The following POLR2B variants were observed in gnomAD, a reference collection of about 807,000 sequenced individuals.
POLR2B encodes DNA-directed RNA polymerase II subunit RPB2.
A neutral mutation model predicts 144.6 loss-of-function variants in POLR2B; 57 were observed. That is an observed-to-expected ratio of 0.39 (90% confidence interval 0.32 to 0.49). The LOEUF (loss-of-function observed/expected upper bound fraction) is 0.49, where lower values mean the gene tolerates loss of function less well. POLR2B is among the 20% of genes least tolerant of loss of function. The pLI is 0.83. For synonymous variants in POLR2B, 442 were observed against 469.8 expected, an observed-to-expected ratio of 0.94 and a Z score of 0.77; for missense variants, 595 against 1,467.4, an observed-to-expected ratio of 0.41 and a Z score of 9.71.
chr4:57,017,472 A>G lies in POLR2B; in HGVS notation c.2155-88A>G. The G allele has an allele frequency of 8.8e-7, 1 of 1,133,652 alleles. No individual in the cohort carries two copies. Among genetic ancestry groups the G allele is most frequent in the Non-Finnish European group, 1.3e-6 (1 of 799,660 alleles). 70.2% of individuals were successfully genotyped at this position (1,133,652 alleles called of 1,614,324 possible). A position where few individuals can be genotyped will look rare whatever the true frequency, so the allele number is the denominator to read the frequency against. On this transcript the variant is annotated intron_variant, in intron 15 of 24. Coordinates refer to ENST00000314595, the MANE Select transcript of POLR2B (RefSeq NM_000938.3). This position sits in a 1 kb window ranked among gnomAD's most constrained non-coding sequence, Gnocchi z 4.8. ...TTTGAAAAAAATCAGGAGTTTTACC[A>G]ATCATATTTCTTTTGATTTATTGTC...
intron 13 of POLR2B, among the ~76,000 whole-genome samples, chr4:57,012,433 A>G (rs1323268926): frequency 6.6e-6 from 1 of 150,992 alleles, no homozygotes; most frequent in South Asian, 2.1e-4. Flanking sequence ...AAAAAAAATC[A>G]TTACAATATA....
chr4:57,002,995 A>G (rs1341475565), intron 7 of POLR2B, among the ~76,000 whole-genome samples: 3 of 152,236 alleles, frequency 2.0e-5, no homozygotes, highest in Non-Finnish European at 4.4e-5. Flanking sequence ...ATAGTTGGAA[A>G]TTTAGAATAT....
chr4:57,018,765 A>G (rs1163093985), intron 16 of POLR2B, among the ~76,000 whole-genome samples: 1 of 152,224 alleles, frequency 6.6e-6, no homozygotes, highest in Non-Finnish European at 1.5e-5. Flanking sequence ...GAAAAAGGCC[A>G]GAGGCAGACA....
At chr4:57,007,568 A>T (rs1723061645) in intron 10 of POLR2B, among the ~76,000 whole-genome samples, 1 of 152,202 alleles carries the variant, frequency 6.6e-6, no homozygotes, top group Non-Finnish European at 1.5e-5. Context: ...AGTGGGTGAG[A>T]CAGTCCATGT....
rs184790039 is a variant in POLR2B, at chr4:57,020,893, C to T, written c.2324-6C>T. Reference sequence around the variant, plus strand: ...GTTTTAATGTATGCTCTTAAATTCACTGCAGGCATCAACTCAATTGTGGCC... The same window carrying T: ...GTTTTAATGTATGCTCTTAAATTCATTGCAGGCATCAACTCAATTGTGGCC... On this transcript the variant is annotated splice_polypyrimidine_tract_variant and splice_region_variant and intron_variant, in intron 16 of 24. Transcript: ENST00000314595. 1.5e-5 allele frequency: 23 copies of T among 1,493,476 alleles called. No individual in the cohort carries two copies. In the Admixed American group the frequency reaches 3.0e-4, roughly 20 times the overall value. The allele number at this position is 1,493,476 out of a possible 1,614,324, so 92.5% of individuals were successfully genotyped here.
At chr4:56,994,931 A>G (rs1722631693) in intron 5 of POLR2B, 65 bp downstream of exon 5, 2 of 28,306 alleles carry the variant, frequency 7.1e-5, no homozygotes, top group Admixed American at 6.2e-4. Flanking sequence ...AGTTGAAATG[A>G]AAAAAAAAAA....
intron 1 of POLR2B, among the ~76,000 whole-genome samples, chr4:56,980,819 T>TC (rs1165198537): frequency 6.6e-6 from 1 of 152,086 alleles, no homozygotes; most frequent in African/African-American, 2.4e-5. Flanking sequence ...GTTTCTTTTT[T>TC]TTTTTTTGAT....
Position 56,993,098 on chromosome 4 carries a change from GT to G in POLR2B, c.244-1303del, listed in dbSNP as rs147249443. Among the ~76,000 whole-genome samples the G allele has an allele frequency of 1.8e-3, 279 of 151,998 alleles. 7 individuals carry two copies. In the East Asian group the frequency reaches 0.039, roughly 21 times the overall value. On this transcript the variant is annotated intron_variant, in intron 3 of 24. Coordinates refer to ENST00000314595, the MANE Select transcript of POLR2B (RefSeq NM_000938.3). Reference sequence around the variant, plus strand: ...GCAGGCAGATCTCTTGAGGCCAGGAGTTTGAGACCATCCTGGCCAGCTTGGT... The same window carrying G: ...GCAGGCAGATCTCTTGAGGCCAGGAGTTGAGACCATCCTGGCCAGCTTGGT...
At position 57,022,223 on chromosome 4, in the gene POLR2B, A is replaced by C; in HGVS notation, c.2492A>C (p.Lys831Thr). The C allele has an allele frequency of 1.2e-6, 2 of 1,607,670 alleles. No individual in the cohort carries two copies. The highest frequency in any genetic ancestry group is 1.3e-5 in the African/African-American group (1 of 74,938). ...KGFDQEEVFE[K>T]PTRETCQGMR... is the part of the protein sequence containing the mutation. Reference sequence around the variant, plus strand: ...TTTGATCAAGAAGAAGTTTTTGAGAAGCCTACACGTGAAACATGCCAGGGT... The same window carrying C: ...TTTGATCAAGAAGAAGTTTTTGAGACGCCTACACGTGAAACATGCCAGGGT... The change falls in exon 18 of 25, where the codon AAG (lysine) becomes ACG (threonine). Residue 831 changes from lysine to threonine, a missense_variant. By Grantham distance (78) the Lys-to-Thr change is moderately conservative. Around this residue, in one of 9 missense-constraint regions of POLR2B, gnomAD observed 75 missense variants for 100.0 expected, o/e 0.75. Coordinates refer to ENST00000314595, the MANE Select transcript of POLR2B (RefSeq NM_000938.3).
rs779592595 is a variant in POLR2B, at chr4:57,022,165, C to T, written c.2434C>T (p.Arg812Cys). ...DRGFFRSVFYRSYKEQESKKG... is the reference protein window; with the variant it reads ...DRGFFRSVFYCSYKEQESKKG... ...ATGTGTTTTTAGGTCTGTTTTCTAT[C>T]GCTCATACAAAGAACAGGAGTCTAA... The change falls in exon 18 of 25, where the codon CGC (arginine) becomes TGC (cysteine). Residue 812 changes from arginine to cysteine, a missense_variant. This residue lies in a region of POLR2B where 39 missense variants were observed against 174.3 expected (regional missense o/e 0.22). Transcript: ENST00000314595. 6.9e-6 allele frequency: 11 copies of T among 1,605,588 alleles called. No homozygotes were observed. The African/African-American group carries it at 8.0e-5, about 12-fold the overall frequency.
chr4:57,023,378 C>T lies in POLR2B; in HGVS notation c.2564C>T (p.Ala855Val). 6 of 1,613,824 alleles carry T rather than the reference C, an allele frequency of 3.7e-6. No individual in the cohort carries two copies. The highest frequency in any genetic ancestry group is 5.1e-6 in the Non-Finnish European group (6 of 1,179,776). ...YDKLDDDGLI[A>V]PGVRVSGDDV... ...AAGCTGGATGATGATGGTTTGATAG[C>T]TCCAGGGGTTCGTGTATCAGGAGAT... Residue 855 changes from alanine to valine, a missense_variant, in exon 19 of 25, where the codon GCT becomes GTT. By Grantham distance (64) the Ala-to-Val change is moderately conservative. Around this residue, in one of 9 missense-constraint regions of POLR2B, gnomAD observed 75 missense variants for 100.0 expected, o/e 0.75. Coordinates refer to ENST00000314595, the MANE Select transcript of POLR2B (RefSeq NM_000938.3). The surrounding 1 kb of genome is among the most constrained non-coding windows in gnomAD (Gnocchi z 4.3).
At chr4:57,018,093 A>C (rs894132878) in intron 16 of POLR2B, among the ~76,000 whole-genome samples, 27 of 152,210 alleles carry the variant, frequency 1.8e-4, no homozygotes, top group Non-Finnish European at 1.5e-5. Context: ...CGGTACAGTT[A>C]GTCATGTCAG....
chr4:56,990,735 A>G lies in POLR2B; in HGVS notation c.93-13A>G, dbSNP rs757638128. On this transcript the variant is annotated splice_polypyrimidine_tract_variant and intron_variant, in intron 2 of 24. Transcript: ENST00000314595. ...ACTGAGTTGCAACTGACTGAACTCA[A>G]ATATTTTCCCAGTTCCTATTTTGAC... 7 of 1,595,768 alleles carry G rather than the reference A, an allele frequency of 4.4e-6. No homozygotes were observed. Among genetic ancestry groups the G allele is most frequent in the South Asian group, 1.1e-5 (1 of 87,768 alleles).
intron 23 of POLR2B, among the ~76,000 whole-genome samples, chr4:57,028,265 C>T (rs1372469691): frequency 6.6e-6 from 1 of 152,146 alleles, no homozygotes; most frequent in African/African-American, 2.4e-5. Context: ...CTTCACTATG[C>T]AGTAGAAGTG....
chr4:57,023,665 CG>C lies in POLR2B; in HGVS notation c.2771del (p.Arg924ProfsTer53). On this transcript the variant is annotated frameshift_variant, in exon 20 of 25. Transcript: ENST00000314595. LOFTEE classifies it high-confidence loss of function. This position sits in a 1 kb window ranked among gnomAD's most constrained non-coding sequence, Gnocchi z 4.3. ...EGYKFCKIRV[R>X]SVRIPQIGDK... ...ACTTATTTTTATATGAATTTAGGTACGCTCTGTTAGGATTCCACAGATTGGA... is the reference window on the plus strand; with the variant it reads ...ACTTATTTTTATATGAATTTAGGTACCTCTGTTAGGATTCCACAGATTGGA... 1 of 1,611,646 alleles carries C rather than the reference CG, an allele frequency of 6.2e-7. No homozygotes were observed. The highest frequency in any genetic ancestry group is 8.5e-7 in the Non-Finnish European group (1 of 1,178,394).
intron 10 of POLR2B, 142 bp downstream of exon 10, chr4:57,007,144 C>G (rs1382598439): frequency 4.9e-6 from 3 of 616,498 alleles, no homozygotes; most frequent in Non-Finnish European, 8.3e-6. Context: ...TGTGGTGGCT[C>G]ACACCTGTAA....
chr4:57,011,089 A>G lies in POLR2B; in HGVS notation c.1789A>G (p.Ile597Val), dbSNP rs748244999. 6 of 1,600,096 alleles carry G rather than the reference A, an allele frequency of 3.7e-6. No individual in the cohort carries two copies. The highest frequency in any genetic ancestry group is 3.3e-5 in the South Asian group (3 of 90,750). The change falls in exon 13 of 25, where the codon ATT (isoleucine) becomes GTT (valine). Residue 597 changes from isoleucine (I) to valine (V), a missense_variant. Coordinates refer to ENST00000314595, the MANE Select transcript of POLR2B (RefSeq NM_000938.3). The part of the protein sequence containing the change: ...LRKLRRQMDI[I>V]VSEVSMIRDI... ...GAAATTGAGACGTCAGATGGACATC[A>G]TTGTGTCTGAAGTAAGAATCTTTAG...
At position 57,030,962 on chromosome 4, in the gene POLR2B, A is replaced by G; in HGVS notation, c.3499A>G (p.Ile1167Val). 2.5e-6 allele frequency: 4 copies of G among 1,598,052 alleles called. No homozygotes were observed. The highest frequency in any genetic ancestry group is 3.4e-6 in the Non-Finnish European group (4 of 1,165,296). Residue 1167 changes from isoleucine (I) to valine (V), a missense_variant, in exon 25 of 25, where the codon ATT becomes GTT. Transcript: ENST00000314595. ...GTTTCAGGAACTTATGTCTATGAGT[A>G]TTGCACCGCGAATGATGAGTGTTTA... is the stretch of plus-strand genomic sequence containing the variant. ...LLFQELMSMS[I>V]APRMMSV is the part of the protein sequence containing the mutation.
chr4:56,994,292 C>T, intron 3 of POLR2B, 112 bp from the exon 4 acceptor site: 1 of 618,508 alleles, frequency 1.6e-6, no homozygotes, highest in South Asian at 2.2e-5. Context: ...TTAATTTTGC[C>T]AGTTTGTAGA....
Sources: gnomAD v4.1 joint callset for allele counts (sites outside exome capture counted in the v4.1 genomes callset) on GRCh38, gnomAD v4.1.1 for gene constraint, gnomAD v4.1.1 regional missense constraint, Gnocchi (gnomAD v3.1) non-coding constraint, MANE v1.5 for transcripts, NCBI Gene and HGNC (gene_info 2026-07-23, HGNC 2026-07-21) for gene names.